CNTNAP2: variants seen among roughly 807,000 people sequenced by gnomAD.
CNTNAP2 encodes contactin-associated protein-like 2.
A neutral mutation model predicts 155.2 loss-of-function variants in CNTNAP2; 98 were observed. That is an observed-to-expected ratio of 0.63 (90% CI 0.54 to 0.75). The LOEUF (loss-of-function observed/expected upper bound fraction) is 0.75. CNTNAP2 is among the 30% of genes least tolerant of loss of function. CNTNAP2 has a pLI of 0.00. For synonymous variants in CNTNAP2, 651 were observed against 631.2 expected (o/e 1.03, Z -0.47); for missense variants, 1,727 against 1,688.1 (o/e 1.02, Z -0.40).
At chr7:146,214,119 T>A (rs1799078476) in intron 1 of CNTNAP2, among the ~76,000 whole-genome samples, 1 of 152,210 alleles carries the variant, frequency 6.6e-6, no homozygotes. Context: ...GTAAAATTTT[T>A]GAATAAGACA....
chr7:146,538,682 T>C (rs551673355), intron 1 of CNTNAP2, among the ~76,000 whole-genome samples: 2 of 151,978 alleles, frequency 1.3e-5, no homozygotes, highest in East Asian at 1.9e-4. Flanking sequence ...ATCTTCAACA[T>C]TGCAGACAAC....
chr7:148,310,601 G>A (rs1251753007), intron 21 of CNTNAP2, among the ~76,000 whole-genome samples: 1 of 152,148 alleles, frequency 6.6e-6, no homozygotes, highest in Non-Finnish European at 1.5e-5. Context: ...AGGGGAACAG[G>A]GAGCTCTTCG....
chr7:146,165,998 T>G (rs1301664077), intron 1 of CNTNAP2, among the ~76,000 whole-genome samples: 1 of 152,218 alleles, frequency 6.6e-6, no homozygotes, highest in East Asian at 1.9e-4. Context: ...ATGTTTAAAA[T>G]AATTATAAAT....
chr7:148,257,099 A>T (rs1173664917), intron 20 of CNTNAP2, among the ~76,000 whole-genome samples: 2 of 152,102 alleles, frequency 1.3e-5, no homozygotes, highest in Non-Finnish European at 2.9e-5. Context: ...GTGCCTCCCC[A>T]GGTGTGAGAG....
chr7:148,335,412 C>T (rs555172706), intron 21 of CNTNAP2, among the ~76,000 whole-genome samples: 3 of 152,174 alleles, frequency 2.0e-5, no homozygotes, highest in Non-Finnish European at 4.4e-5. Flanking sequence ...CTGCCAATCA[C>T]TGCCCACACC....
intron 16 of CNTNAP2, 101 bp downstream of exon 16, chr7:148,118,389 G>C: frequency 1.5e-6 from 2 of 1,301,142 alleles, no homozygotes; most frequent in Admixed American, 3.8e-5. Context: ...AACGTGGAAG[G>C]TTTCCTTTGT....
At chr7:147,141,694 T>C (rs540572617) in intron 8 of CNTNAP2, among the ~76,000 whole-genome samples, 1 of 152,140 alleles carries the variant, frequency 6.6e-6, no homozygotes, top group Non-Finnish European at 1.5e-5. Flanking sequence ...TGAAACACTT[T>C]GGTGTTACAT....
intron 13 of CNTNAP2, among the ~76,000 whole-genome samples, chr7:147,645,450 CATT>C (rs774888352): frequency 6.6e-6 from 1 of 152,194 alleles, no homozygotes; most frequent in Non-Finnish European, 1.5e-5. Flanking sequence ...TATACCCACT[CATT>C]GTATTAAAAT....
At chr7:147,185,467 A>C (rs1053508666) in intron 8 of CNTNAP2, among the ~76,000 whole-genome samples, 1 of 152,164 alleles carries the variant, frequency 6.6e-6, no homozygotes, top group Non-Finnish European at 1.5e-5. Context: ...AAAACCTGGA[A>C]ACAACCAAAC....
At chr7:146,500,878 G>T (rs77821463) in intron 1 of CNTNAP2, among the ~76,000 whole-genome samples, 12,910 of 152,040 alleles carry the variant, frequency 0.085, 1,440 homozygotes, top group African/African-American at 0.26. Flanking sequence ...GCCTTTGTTA[G>T]GGTGAGGCAA....
chr7:146,492,303 T>C (rs552009321), intron 1 of CNTNAP2, among the ~76,000 whole-genome samples: 1 of 152,000 alleles, frequency 6.6e-6, no homozygotes, highest in African/African-American at 2.4e-5. Flanking sequence ...ATTTCCACAA[T>C]GTAAAAATAG....
At chr7:146,641,332 AT>A (rs2129161240) in intron 1 of CNTNAP2, among the ~76,000 whole-genome samples, 1 of 152,362 alleles carries the variant, frequency 6.6e-6, no homozygotes, top group African/African-American at 2.4e-5. Context: ...TCTCAAAAAA[AT>A]AAATAAAAAT....
At chr7:148,173,967 A>C (rs2972114) in intron 18 of CNTNAP2, among the ~76,000 whole-genome samples, 1 of 152,126 alleles carries the variant, frequency 6.6e-6, no homozygotes, top group East Asian at 1.9e-4. Flanking sequence ...ACCTCTGGAG[A>C]TTAATAGGCA....
chr7:146,879,924 C>A (rs556335994), intron 3 of CNTNAP2, among the ~76,000 whole-genome samples: 25 of 151,992 alleles, frequency 1.6e-4, no homozygotes, highest in East Asian at 3.9e-4. Flanking sequence ...GCAAAAGGCA[C>A]ATCTTACATG....
intron 1 of CNTNAP2, among the ~76,000 whole-genome samples, chr7:146,249,899 AAG>A (rs1455328907): frequency 1.3e-5 from 2 of 149,926 alleles, no homozygotes; most frequent in African/African-American, 2.5e-5. Flanking sequence ...AAAAGAAAAA[AAG>A]AAATTTAAAT....
chr7:148,059,604 A>C (rs2707574), intron 15 of CNTNAP2, among the ~76,000 whole-genome samples: 1 of 150,020 alleles, frequency 6.7e-6, no homozygotes, highest in Non-Finnish European at 1.5e-5. Context: ...AAAAAAAAAA[A>C]AAAGAAAGAA....
At chr7:148,039,725 G>A (rs1390181300) in intron 15 of CNTNAP2, among the ~76,000 whole-genome samples, 1 of 152,136 alleles carries the variant, frequency 6.6e-6, no homozygotes, top group Non-Finnish European at 1.5e-5. Context: ...CACTTCTTGA[G>A]GTTTCAGCAG....
At chr7:147,037,782 A>G (rs1799184701) in intron 3 of CNTNAP2, among the ~76,000 whole-genome samples, 2 of 152,106 alleles carry the variant, frequency 1.3e-5, no homozygotes, top group South Asian at 4.1e-4. Flanking sequence ...TAAATAATAG[A>G]TATATACATG....
rs370122097 is a variant in CNTNAP2 at position 146,543,651 on chromosome 7, T to C, written c.98-230620T>C. 5.3e-5 allele frequency among the ~76,000 whole-genome samples: 8 copies of C among 152,116 alleles called. No homozygotes were observed. The South Asian group carries it at 1.5e-3, about 28-fold the overall frequency. On this transcript the variant is annotated intron_variant, in intron 1 of 23. Coordinates refer to ENST00000361727, the MANE Select transcript of CNTNAP2 (RefSeq NM_014141.6). The stretch of plus-strand genomic sequence containing the variant: ...AGATCAACAAGATCACACAGCTAGT[T>C]GATGGCATAGTTGTGAACAAATTCA...
Sources: allele counts gnomAD v4.1 joint callset (sites outside exome capture counted in the v4.1 genomes callset), GRCh38; gene constraint gnomAD v4.1.1; transcripts MANE v1.5; gene names NCBI Gene and HGNC (gene_info 2026-07-23, HGNC 2026-07-21).